ATP9B: variants seen among roughly 807,000 people sequenced by gnomAD.
ATP9B encodes ATPase phospholipid transporting 9B.
In ATP9B, 110 loss-of-function variants were observed where a neutral mutation model predicts 146.1. The observed-to-expected ratio is 0.75, with a 90% CI of 0.65 to 0.88. The LOEUF (loss-of-function observed/expected upper bound fraction) is 0.88, where lower values mean the gene tolerates loss of function less well. ATP9B is among the 40% of genes least tolerant of loss of function. The pLI, the probability that ATP9B is intolerant of heterozygous loss-of-function variation, is 0.00. For missense variants in ATP9B, 1,499 were observed against 1,496.4 expected (o/e 1.00, Z -0.03); for synonymous variants, 604 against 569.7 (o/e 1.06, Z -0.86).
chr18:79,163,709 G>A (rs2094917829), intron 7 of ATP9B, among the ~76,000 whole-genome samples: 1 of 151,248 alleles, frequency 6.6e-6, no homozygotes. Flanking sequence ...AACCCCTAAC[G>A]GTTTATTTAA....
At chr18:79,245,277 C>T (rs1177780320) in intron 11 of ATP9B, among the ~76,000 whole-genome samples, 5 of 152,202 alleles carry the variant, frequency 3.3e-5, no homozygotes, top group African/African-American at 1.2e-4. Flanking sequence ...GTGTATTAGA[C>T]TGAAAACCAA....
intron 5 of ATP9B, among the ~76,000 whole-genome samples, chr18:79,134,849 A>T (rs1568248966): frequency 6.6e-6 from 1 of 152,190 alleles, no homozygotes. Context: ...TAATTTAAAT[A>T]TCCTGATCTT....
chr18:79,117,351 T>C (rs1024027325), intron 4 of ATP9B: 2 of 152,234 alleles, frequency 1.3e-5, no homozygotes, highest in East Asian at 3.9e-4. Flanking sequence ...CATCAGGCTA[T>C]GAAGAAGAAA....
intron 15 of ATP9B, among the ~76,000 whole-genome samples, chr18:79,327,250 C>T (rs936592451): frequency 1.3e-5 from 2 of 152,182 alleles, no homozygotes; most frequent in Non-Finnish European, 2.9e-5. Flanking sequence ...AAGGCAAGGA[C>T]GTGCTCATCG....
intron 12 of ATP9B, chr18:79,254,266 T>A (rs1013225396): frequency 1.3e-5 from 2 of 152,232 alleles, no homozygotes; most frequent in Non-Finnish European, 2.9e-5. Flanking sequence ...GGCTCAAGGA[T>A]GTAGCCACTT....
chr18:79,228,943 T>C (rs2095762687), intron 11 of ATP9B, among the ~76,000 whole-genome samples: 1 of 152,046 alleles, frequency 6.6e-6, no homozygotes, highest in Non-Finnish European at 1.5e-5. Context: ...GGAGGATCAT[T>C]TGATCTTCAA....
rs1329735288 is a variant in ATP9B at position 79,113,002 on chromosome 18, G to A, written c.445-239G>A. 4.6e-5 allele frequency among the ~76,000 whole-genome samples: 7 copies of A among 152,014 alleles called. 1 individual carries two copies. The highest frequency in any genetic ancestry group is 1.3e-4 in the Admixed American group (2 of 15,254). On this transcript the variant is annotated intron_variant, in intron 3 of 29. Coordinates refer to ENST00000426216, the MANE Select transcript of ATP9B (RefSeq NM_198531.5). ...TAGATGACATTTTTAACAATTGAACGTCCTAATTGTCTTATTTTCAGTTTA... is the reference window on the plus strand; with the variant it reads ...TAGATGACATTTTTAACAATTGAACATCCTAATTGTCTTATTTTCAGTTTA...
chr18:79,371,370 TAAAAAAAAAAAA>T (rs59110010), intron 26 of ATP9B, among the ~76,000 whole-genome samples: 3 of 98,082 alleles, frequency 3.1e-5, no homozygotes, highest in Admixed American at 2.2e-4. Context: ...GACTCCGTCT[TAAAAAAAAAAAA>T]AAAAAAAAAA....
At chr18:79,282,479 AT>A (rs1183246038) in intron 13 of ATP9B, among the ~76,000 whole-genome samples, 1 of 152,218 alleles carries the variant, frequency 6.6e-6, no homozygotes, top group African/African-American at 2.4e-5. Context: ...AGCCGTCAAC[AT>A]TAAGACAAGA....
intron 11 of ATP9B, among the ~76,000 whole-genome samples, chr18:79,244,354 A>G (rs975791192): frequency 2.6e-5 from 4 of 152,094 alleles, no homozygotes; most frequent in Admixed American, 6.6e-5. Flanking sequence ...CCCACCATCT[A>G]TGGCCCAACA....
chr18:79,187,512 G>T (rs547677951), intron 8 of ATP9B, among the ~76,000 whole-genome samples: 1 of 152,288 alleles, frequency 6.6e-6, no homozygotes. Context: ...TTCTTTAAGT[G>T]AGAACCACCT....
At chr18:79,233,739 C>T (rs1203969512) in intron 11 of ATP9B, among the ~76,000 whole-genome samples, 2 of 152,164 alleles carry the variant, frequency 1.3e-5, no homozygotes, top group Admixed American at 6.5e-5. Context: ...CAACAATCCA[C>T]GCATAAGTTT....
intron 8 of ATP9B, among the ~76,000 whole-genome samples, chr18:79,178,889 T>G (rs957721365): frequency 9.2e-5 from 14 of 152,262 alleles, no homozygotes; most frequent in African/African-American, 3.4e-4. Context: ...AGTTGGGGAG[T>G]CTTTTTGCCT....
intron 8 of ATP9B, among the ~76,000 whole-genome samples, chr18:79,188,889 A>ATT (rs5826625): frequency 7.6e-5 from 11 of 144,082 alleles, no homozygotes; most frequent in African/African-American, 2.3e-4. Context: ...GCTTTTTAGC[A>ATT]TTTTTTTTTT....
At chr18:79,163,828 T>C (rs984988451) in intron 7 of ATP9B, among the ~76,000 whole-genome samples, 1 of 151,558 alleles carries the variant, frequency 6.6e-6, no homozygotes, top group Non-Finnish European at 1.5e-5. Flanking sequence ...TAGGAATAGT[T>C]GTTTTAATAT....
At chr18:79,376,378 C>T (rs2097103447) in intron 29 of ATP9B, 1 of 965,296 alleles carries the variant, frequency 1.0e-6, no homozygotes, top group Non-Finnish European at 1.2e-6. Flanking sequence ...TGACATTAGT[C>T]ATCTGCAACC....
At chr18:79,368,809 C>G (rs1041169081) in intron 26 of ATP9B, among the ~76,000 whole-genome samples, 1 of 151,974 alleles carries the variant, frequency 6.6e-6, no homozygotes, top group Non-Finnish European at 1.5e-5. Flanking sequence ...CCAGCATACT[C>G]CGTCGTTGGC....
chr18:79,289,747 C>G (rs1361808831), intron 13 of ATP9B, among the ~76,000 whole-genome samples: 1 of 152,130 alleles, frequency 6.6e-6, no homozygotes, highest in African/African-American at 2.4e-5. Context: ...GTGGTTTTGT[C>G]TACTTTTGGT....
At chr18:79,354,893 A>T (rs1015679821) in intron 25 of ATP9B, among the ~76,000 whole-genome samples, 7 of 152,256 alleles carry the variant, frequency 4.6e-5, no homozygotes, top group Admixed American at 4.6e-4. Flanking sequence ...CCAGGAAGAC[A>T]GATGGCTTTC....
Sources: gnomAD v4.1 joint callset for allele counts (sites outside exome capture counted in the v4.1 genomes callset) on GRCh38, gnomAD v4.1.1 for gene constraint, MANE v1.5 for transcripts, NCBI Gene and HGNC (gene_info 2026-07-23, HGNC 2026-07-21) for gene names.